Variants in ELOA observed in about 807,000 individuals in gnomAD.
ELOA encodes the protein elongin A.
A neutral mutation model predicts 85.2 loss-of-function variants in ELOA; 15 were observed. The observed-to-expected ratio is 0.18, with a 90% CI of 0.12 to 0.27. The LOEUF (loss-of-function observed/expected upper bound fraction) is 0.27. ELOA is among the 10% of genes least tolerant of loss of function. The pLI is 1.00. For synonymous variants in ELOA, 348 were observed against 357.2 expected, an observed-to-expected ratio of 0.97 and a Z score of 0.29; for missense variants, 769 against 952.7, an observed-to-expected ratio of 0.81 and a Z score of 2.54.
rs1037018299 is a variant in ELOA at position 23,760,643 on chromosome 1, A to T, written c.*1070A>T. The T allele has an allele frequency of 6.6e-6, 1 of 152,216 alleles. No homozygotes were observed. Among genetic ancestry groups the T allele is most frequent in the Admixed American group, 6.6e-5 (1 of 15,258 alleles). 9.4% of individuals were successfully genotyped at this position (152,216 alleles called of 1,614,324 possible). ...TTTTGCCTTTTATTGAAAAGGTAAGATCATGTGATTGGAAGAACACAACTG... is the reference window on the plus strand; with the variant it reads ...TTTTGCCTTTTATTGAAAAGGTAAGTTCATGTGATTGGAAGAACACAACTG... On this transcript the variant is annotated 3_prime_UTR_variant, in exon 11 of 11. Transcript: ENST00000613537.
At chr1:23,753,899 C>T (rs1247532107) in intron 5 of ELOA, among the ~76,000 whole-genome samples, 1 of 152,076 alleles carries the variant, frequency 6.6e-6, no homozygotes, top group African/African-American at 2.4e-5. Flanking sequence ...TGATCTCGAA[C>T]TCTTGACCTC....
intron 10 of ELOA, among the ~76,000 whole-genome samples, chr1:23,759,304 G>C (rs1638259304): frequency 6.6e-6 from 1 of 152,258 alleles, no homozygotes; most frequent in African/African-American, 2.4e-5. Context: ...AGAGAGAGTG[G>C]TGGTCATGCC....
chr1:23,746,105 A>G (rs1156505442), intron 1 of ELOA, among the ~76,000 whole-genome samples: 3 of 152,038 alleles, frequency 2.0e-5, no homozygotes, highest in Non-Finnish European at 2.9e-5. Context: ...CCTGGCCAAC[A>G]TGGTGAAACC....
Position 23,759,829 on chromosome 1 carries a change from G to T in ELOA, c.*256G>T. 2.0e-6 allele frequency: 1 copy of T among 490,670 alleles called. No homozygotes were observed. The highest frequency in any genetic ancestry group is 2.7e-5 in the South Asian group (1 of 36,730). 30.4% of individuals were successfully genotyped at this position (490,670 alleles called of 1,614,324 possible). A position where few individuals can be genotyped will look rare whatever the true frequency, so the allele number is the denominator to read the frequency against. ...GATTTTAAAGGTCAATTATACTTTT[G>T]TTGTTCATTAGCATCTTTGTAAACT... On this transcript the variant is annotated 3_prime_UTR_variant, in exon 11 of 11. Transcript: ENST00000613537.
chr1:23,758,260 T>TTTTTTTA lies in ELOA; in HGVS notation c.2257+1141_2257+1142insATTTTTT, dbSNP rs1491142786. Among the ~76,000 whole-genome samples the TTTTTTTA allele has an allele frequency of 1.4e-4, 7 of 49,550 alleles. No individual in the cohort carries two copies. In the East Asian group the frequency reaches 2.6e-3, roughly 19 times the overall value. 32.5% of individuals were successfully genotyped at this position (49,550 alleles called of 152,430 possible). On this transcript the variant is annotated intron_variant, in intron 10 of 10. Coordinates refer to ENST00000613537, the MANE Select transcript of ELOA (RefSeq NM_003198.3). Reference sequence around the variant, plus strand: ...TTGGGTCTTCCAATTTATTTATTTATTTTTTTTTTTTTTTTTTTTTTTTTT... The same window carrying TTTTTTTA: ...TTGGGTCTTCCAATTTATTTATTTATTTTTTTATTTTTTTTTTTTTTTTTTTTTTTTT...
Position 23,757,096 on chromosome 1 carries a change from C to G in ELOA, c.2228C>G (p.Ser743Cys), listed in dbSNP as rs1292638948. Reference protein sequence around the residue: ...HLAPVVSSTVSYDPRKPTVKK... With the variant: ...HLAPVVSSTVCYDPRKPTVKK... ...GCACCAGTGGTCAGCAGCACTGTTT[C>G]CTATGATCCTAGGAAACCCACTGTG... Residue 743 changes from serine to cysteine, a missense_variant, in exon 10 of 11, where the codon TCC becomes TGC. By Grantham distance (112) the Ser-to-Cys change is moderately radical. Transcript: ENST00000613537. The G allele has an allele frequency of 6.3e-7, 1 of 1,584,310 alleles. No individual in the cohort carries two copies. Among genetic ancestry groups the G allele is most frequent in the Non-Finnish European group, 8.5e-7 (1 of 1,170,672 alleles).
intron 8 of ELOA, 77 bp from the exon 9 acceptor site, chr1:23,756,197 A>G (rs2148388141): frequency 6.9e-7 from 1 of 1,459,352 alleles, no homozygotes; most frequent in Admixed American, 2.5e-5. Context: ...CAGGGCACTC[A>G]AAAAGCCCGT....
chr1:23,758,821 A>G (rs1003933831), intron 10 of ELOA, among the ~76,000 whole-genome samples: 4 of 151,838 alleles, frequency 2.6e-5, no homozygotes, highest in Non-Finnish European at 4.4e-5. Flanking sequence ...ACCTGTTTCT[A>G]CACTGGACAG....
intron 1 of ELOA, among the ~76,000 whole-genome samples, chr1:23,745,625 T>G (rs1196032704): frequency 6.6e-6 from 1 of 152,128 alleles, no homozygotes; most frequent in Non-Finnish European, 1.5e-5. Flanking sequence ...TGGGAGATCA[T>G]TTTTGCAAAG....
chr1:23,759,760 C>G lies in ELOA; in HGVS notation c.*187C>G, dbSNP rs1195721195. On this transcript the variant is annotated 3_prime_UTR_variant, in exon 11 of 11. Transcript: ENST00000613537. ...CACAGCCCCGCCTCCCTGCCTGGAG[C>G]ACACTTTAGAATTCTGAAGATGTGA... The G allele has an allele frequency of 3.3e-6, 2 of 609,428 alleles. No homozygotes were observed. The highest frequency in any genetic ancestry group is 2.9e-6 in the Non-Finnish European group (1 of 343,398). The allele number at this position is 609,428 out of a possible 1,614,324, so 37.8% of individuals were successfully genotyped here.
At chr1:23,753,143 G>A (rs1235013608) in intron 5 of ELOA, among the ~76,000 whole-genome samples, 2 of 152,094 alleles carry the variant, frequency 1.3e-5, no homozygotes, top group Non-Finnish European at 2.9e-5. Flanking sequence ...GAGCAAGACT[G>A]TTTCAAAAAC....
Position 23,756,309 on chromosome 1 carries a change from G to A in ELOA, c.2008G>A (p.Ala670Thr). 1 of 1,574,464 alleles carries A rather than the reference G, an allele frequency of 6.4e-7. No individual in the cohort carries two copies. The highest frequency in any genetic ancestry group is 2.3e-5 in the East Asian group (1 of 43,296). Residue 670 changes from alanine (A) to threonine (T), a missense_variant, in exon 9 of 11, where the codon GCC (alanine) becomes ACC (threonine). By Grantham distance (58) the Ala-to-Thr change is moderately conservative. Around this residue, in one of 4 missense-constraint regions of ELOA, gnomAD observed 116 missense variants for 141.0 expected, o/e 0.82. Coordinates refer to ENST00000613537, the MANE Select transcript of ELOA (RefSeq NM_003198.3). Reference sequence around the variant, plus strand: ...AAAGATGGCCTTTGTCAACTCTGTGGCCAAGCCACCTCGTGACGTCCGGAG... The same window carrying A: ...AAAGATGGCCTTTGTCAACTCTGTGACCAAGCCACCTCGTGACGTCCGGAG... Reference protein sequence around the residue: ...QAKMAFVNSVAKPPRDVRRRQ... With the variant: ...QAKMAFVNSVTKPPRDVRRRQ...
At chr1:23,749,137 AGT>A (rs1272783817) in intron 2 of ELOA, 60 bp downstream of exon 2, 20 of 1,424,300 alleles carry the variant, frequency 1.4e-5, no homozygotes, top group Non-Finnish European at 1.9e-5. Flanking sequence ...CTCACTGGAG[AGT>A]GTGTAGAATA....
In ELOA at chr1:23,757,077, G is replaced by A; in HGVS notation, c.2209G>A (p.Val737Met). The A allele has an allele frequency of 6.2e-7, 1 of 1,607,414 alleles. No homozygotes were observed. Among genetic ancestry groups the A allele is most frequent in the Non-Finnish European group, 8.5e-7 (1 of 1,177,880 alleles). The part of the protein sequence containing the change: ...PSTSSAHLAP[V>M]VSSTVSYDPR... ...CACCAGCAGTGCCCACTTGGCACCA[G>A]TGGTCAGCAGCACTGTTTCCTATGA... The change falls in exon 10 of 11, where the codon GTG (valine) becomes ATG (methionine). Residue 737 changes from valine to methionine, a missense_variant. Physicochemically the swap from Val to Met is conservative, Grantham distance 21. Around this residue, in one of 4 missense-constraint regions of ELOA, gnomAD observed 116 missense variants for 141.0 expected, o/e 0.82. Coordinates refer to ENST00000613537, the MANE Select transcript of ELOA (RefSeq NM_003198.3).
chr1:23,749,843 A>G lies in ELOA; in HGVS notation c.134A>G (p.Glu45Gly). ...AACAATTACTTTGTCAAATTTTAGG[A>G]GACTGGGGTTGGGAAAACAGTAAAT... The part of the protein sequence containing the change: ...TLPITVDILA[E>G]TGVGKTVNSL... Residue 45 changes from glutamate (E) to glycine (G), a missense_variant and splice_region_variant, in exon 3 of 11, where the codon GAG becomes GGG. By Grantham distance (98) the Glu-to-Gly change is moderately conservative. Coordinates refer to ENST00000613537, the MANE Select transcript of ELOA (RefSeq NM_003198.3). The G allele has an allele frequency of 6.2e-7, 1 of 1,613,592 alleles. No homozygotes were observed. The highest frequency in any genetic ancestry group is 1.7e-4 in the Middle Eastern group (1 of 6,052).
chr1:23,754,734 G>A (rs899519921), intron 7 of ELOA, among the ~76,000 whole-genome samples: 1 of 152,180 alleles, frequency 6.6e-6, no homozygotes, highest in African/African-American at 2.4e-5. Context: ...AGTCATGAAG[G>A]TAAAGGGAGA....
At chr1:23,756,614 A>G (rs1644795783) in intron 9 of ELOA, among the ~76,000 whole-genome samples, 1 of 152,216 alleles carries the variant, frequency 6.6e-6, no homozygotes, top group Non-Finnish European at 1.5e-5. Flanking sequence ...TTAAATGGAG[A>G]GCAAAGCCTG....
In ELOA at chr1:23,750,893, G is replaced by C; in HGVS notation, c.288G>C (p.Lys96Asn). 6.2e-7 allele frequency: 1 copy of C among 1,606,918 alleles called. No individual in the cohort carries two copies. The highest frequency in any genetic ancestry group is 8.5e-7 in the Non-Finnish European group (1 of 1,178,136). ...EQDFEKSNSR[K>N]RPRDALQKEE... ...ACTTTGAGAAGAGCAATTCCCGAAA[G>C]CGCCCTCGGGATGCCCTGCAGAAGG... Residue 96 changes from lysine to asparagine, a missense_variant, in exon 4 of 11, where the codon AAG becomes AAC. Physicochemically the swap from Lys to Asn is moderately conservative, Grantham distance 94. Transcript: ENST00000613537.
At chr1:23,752,559 T>G in intron 5 of ELOA, 41 bp downstream of exon 5, 1 of 1,572,326 alleles carries the variant, frequency 6.4e-7, no homozygotes, top group South Asian at 1.1e-5. Context: ...GGAAAAAGAT[T>G]TAAAAATTCA....
Sources: allele counts gnomAD v4.1 joint callset (sites outside exome capture counted in the v4.1 genomes callset), GRCh38; gene constraint gnomAD v4.1.1; regional missense constraint gnomAD v4.1.1; transcripts MANE v1.5; gene names NCBI Gene and HGNC (gene_info 2026-07-23, HGNC 2026-07-21).